Variants in TMEM63A observed in about 807,000 individuals in gnomAD.
The protein encoded by TMEM63A is mechanosensitive cation channel TMEM63A.
TMEM63A carries 76 observed loss-of-function variants against 100.6 expected under a neutral mutation model. That is an observed-to-expected ratio of 0.76 (90% confidence interval 0.63 to 0.91). The LOEUF (loss-of-function observed/expected upper bound fraction) is 0.91, where lower values mean the gene tolerates loss of function less well. Ranked by LOEUF, TMEM63A falls within the 40% of genes least tolerant of loss-of-function variation. The probability of loss-of-function intolerance (pLI) is 0.00; values close to 1 mark genes in which losing one functional copy is unlikely to be tolerated. For synonymous variants in TMEM63A, 401 were observed against 401.1 expected (o/e 1.00, Z 0.00); for missense variants, 876 against 1,008.8 (o/e 0.87, Z 1.78).
chr1:225,881,345 A>G (rs1671077666), intron 1 of TMEM63A, among the ~76,000 whole-genome samples: 1 of 151,972 alleles, frequency 6.6e-6, no homozygotes, highest in Non-Finnish European at 1.5e-5. Context: ...CACAGATCCC[A>G]AACAACACCT....
rs771532339 is a variant in TMEM63A at position 225,862,881 on chromosome 1, A to G, written c.747-30T>C. 3 of 1,608,146 alleles carry G rather than the reference A, an allele frequency of 1.9e-6. No homozygotes were observed. The highest frequency in any genetic ancestry group is 2.5e-6 in the Non-Finnish European group (3 of 1,176,602). ...GGCCAGGGAGAGAAGGAGGCAAAAG[A>G]CACCGTTGGAAAAGAAAACACCCCA... On this transcript the variant is annotated intron_variant, in intron 10 of 24. Transcript: ENST00000366835. The surrounding 1 kb of genome is among the most constrained non-coding windows in gnomAD (Gnocchi z 5.1).
chr1:225,868,417 T>TGTA (rs1211909697), intron 6 of TMEM63A, among the ~76,000 whole-genome samples: 1 of 151,974 alleles, frequency 6.6e-6, no homozygotes, highest in Non-Finnish European at 1.5e-5. Context: ...GGCTCACACC[T>TGTA]GTAATCCCAG....
downstream of TMEM63A, chr1:225,844,406 C>G: frequency 6.2e-7 from 1 of 1,600,624 alleles, no homozygotes; most frequent in Non-Finnish European, 8.6e-7. Context: ...GCCGCATGGG[C>G]AGGGCCTGGC....
At position 225,862,167 on chromosome 1, in the gene TMEM63A, GAGGGGAAC is replaced by G; in HGVS notation, c.1085+43_1085+50del. 6.2e-7 allele frequency: 1 copy of G among 1,606,596 alleles called. No individual in the cohort carries two copies. Among genetic ancestry groups the G allele is most frequent in the Non-Finnish European group, 8.5e-7 (1 of 1,175,864 alleles). ...CTCGAGAGGGACAGTGAGTTATCTG[GAGGGGAAC>G]AGGGAGTCAGCCAAGAAGGGGTCTG... On this transcript the variant is annotated intron_variant, in intron 13 of 24. Coordinates refer to ENST00000366835, the MANE Select transcript of TMEM63A (RefSeq NM_014698.3). This position sits in a 1 kb window ranked among gnomAD's most constrained non-coding sequence, Gnocchi z 5.1.
intron 4 of TMEM63A, 55 bp from the exon 5 acceptor site, chr1:225,872,108 C>G: frequency 1.6e-6 from 2 of 1,221,444 alleles, no homozygotes; most frequent in East Asian, 2.5e-5. Flanking sequence ...AAAAAAAAAG[C>G]CAAACAAGTC....
At chr1:225,861,165 T>C (rs1405542621) in intron 13 of TMEM63A, 168 bp from the exon 14 acceptor site, 3 of 643,464 alleles carry the variant, frequency 4.7e-6, no homozygotes, top group Non-Finnish European at 7.1e-6. Flanking sequence ...GCTAGCACAG[T>C]GTGTGGAGAA....
At chr1:225,855,784 C>A in intron 18 of TMEM63A, 94 bp downstream of exon 18, 2 of 1,309,982 alleles carry the variant, frequency 1.5e-6, no homozygotes, top group South Asian at 1.3e-5. Context: ...GAAGCATAGG[C>A]TACGACCGCC....
downstream of TMEM63A, chr1:225,845,358 TC>T (rs763539237): frequency 2.2e-6 from 3 of 1,356,934 alleles, no homozygotes; most frequent in Non-Finnish European, 9.8e-7. Context: ...CCCACCCCTC[TC>T]CCCCCGCCTG....
intron 9 of TMEM63A, 126 bp from the exon 10 acceptor site, chr1:225,866,093 C>T (rs1670193405): frequency 2.0e-6 from 2 of 977,884 alleles, no homozygotes; most frequent in African/African-American, 1.6e-5. Flanking sequence ...CCAGTTTTCT[C>T]CTTCTGTGGC....
At position 225,872,069 on chromosome 1, in the gene TMEM63A, GA is replaced by G; in HGVS notation, c.267-17del. On this transcript the variant is annotated splice_polypyrimidine_tract_variant and intron_variant, in intron 4 of 24. Transcript: ENST00000366835. ...TCTGGACTCGCTAGAGACACAAAAA[GA>G]AAAAAAATGACAGATAATTCTTAGA... is the stretch of plus-strand genomic sequence containing the variant. 24 of 1,421,534 alleles carry G rather than the reference GA, an allele frequency of 1.7e-5. No individual in the cohort carries two copies. The highest frequency in any genetic ancestry group is 2.8e-5 in the South Asian group (2 of 70,888). The allele number at this position is 1,421,534 out of a possible 1,614,324, so 88.1% of individuals were successfully genotyped here. A position where few individuals can be genotyped will look rare whatever the true frequency, so the allele number is the denominator to read the frequency against.
At chr1:225,875,188 G>A (rs747111597) in intron 3 of TMEM63A, among the ~76,000 whole-genome samples, 1 of 152,212 alleles carries the variant, frequency 6.6e-6, no homozygotes, top group Non-Finnish European at 1.5e-5. Context: ...AGGCAGCAAG[G>A]CACCACGAGA....
intron 1 of TMEM63A, among the ~76,000 whole-genome samples, chr1:225,880,149 A>G (rs1671018277): frequency 6.6e-6 from 1 of 152,158 alleles, no homozygotes; most frequent in Non-Finnish European, 1.5e-5. Context: ...AGCAAATACT[A>G]TCAGCCTGAG....
Position 225,867,193 on chromosome 1 carries a change from G to A in TMEM63A, c.515-30C>T, listed in dbSNP as rs574791972. On this transcript the variant is annotated intron_variant, in intron 7 of 24. Coordinates refer to ENST00000366835, the MANE Select transcript of TMEM63A (RefSeq NM_014698.3). This position sits in a 1 kb window ranked among gnomAD's most constrained non-coding sequence, Gnocchi z 4.6. The stretch of plus-strand genomic sequence containing the variant: ...AGAGAAGCACAGATACTTAGTTCCA[G>A]GGTCATGTGGGGAAGCAGGAGGGGG... The A allele has an allele frequency of 1.2e-6, 2 of 1,612,872 alleles. No homozygotes were observed. The highest frequency in any genetic ancestry group is 1.3e-5 in the African/African-American group (1 of 75,000).
At position 225,856,891 on chromosome 1, in the gene TMEM63A, C is replaced by T. The variant is rs2292560; in HGVS notation, c.1484+20G>A. On this transcript the variant is annotated intron_variant, in intron 16 of 24. Coordinates refer to ENST00000366835, the MANE Select transcript of TMEM63A (RefSeq NM_014698.3). ...GATATCCTTCTTAGGGGCAGGGCCT[C>T]GGGGCTCCCGGGCACTCACTTGGTC... 83,442 of 1,606,916 alleles carry T rather than the reference C, an allele frequency of 0.052. 2,706 individuals are homozygous for T. Among genetic ancestry groups the T allele is most frequent in the East Asian group, 0.15 (6,866 of 44,708 alleles).
At chr1:225,850,193 C>G (rs1484613039) in intron 20 of TMEM63A, 114 bp from the exon 21 acceptor site, 3 of 1,263,290 alleles carry the variant, frequency 2.4e-6, no homozygotes, top group Non-Finnish European at 3.3e-6. Flanking sequence ...GGCTGCTGCT[C>G]TACTGCCTGA....
At chr1:225,842,870 GAA>G (rs1170663781), downstream of TMEM63A, among the ~76,000 whole-genome samples, 5 of 152,232 alleles carry the variant, frequency 3.3e-5, no homozygotes, top group African/African-American at 1.2e-4. Flanking sequence ...GGTGGTCGCA[GAA>G]AGACAGGAGG....
intron 15 of TMEM63A, among the ~76,000 whole-genome samples, chr1:225,857,701 C>G (rs1032070869): frequency 6.6e-6 from 1 of 151,906 alleles, no homozygotes; most frequent in East Asian, 1.9e-4. Flanking sequence ...CAGAATGGCT[C>G]GGCAAATATC....
chr1:225,841,140 A>C (rs1668373204), downstream of TMEM63A: 1 of 152,138 alleles, frequency 6.6e-6, no homozygotes, highest in African/African-American at 2.4e-5. Flanking sequence ...CCCAGGTACC[A>C]CGCTCTGACT....
chr1:225,845,181 T>C, downstream of TMEM63A: 1 of 1,614,082 alleles, frequency 6.2e-7, no homozygotes, highest in Non-Finnish European at 8.5e-7. Flanking sequence ...TTCTCTGCCT[T>C]CCCTTTTGAG....
Sources: gnomAD v4.1 joint callset for allele counts (sites outside exome capture counted in the v4.1 genomes callset) on GRCh38, gnomAD v4.1.1 for gene constraint, Gnocchi (gnomAD v3.1) non-coding constraint, MANE v1.5 for transcripts, NCBI Gene and HGNC (gene_info 2026-07-23, HGNC 2026-07-21) for gene names.